Variants in AKNAD1 observed in about 807,000 individuals in gnomAD.
AKNAD1 encodes the protein AKNA domain containing 1, also known as protein AKNAD1.
A neutral mutation model predicts 90.8 loss-of-function variants in AKNAD1; 67 were observed. The observed-to-expected ratio is 0.74, with a 90% CI of 0.61 to 0.90. The LOEUF is 0.90. Ranked by LOEUF, AKNAD1 falls within the 40% of genes least tolerant of loss-of-function variation. The pLI is 0.00. For synonymous variants in AKNAD1, 327 were observed against 341.4 expected, an observed-to-expected ratio of 0.96 and a Z score of 0.46; for missense variants, 957 against 975.4, an observed-to-expected ratio of 0.98 and a Z score of 0.25.
chr1:108,858,222 T>C (rs572935831), upstream of AKNAD1: 6 of 152,646 alleles, frequency 3.9e-5, no homozygotes, highest in Non-Finnish European at 8.8e-5. Context: ...GCGTGCCTGC[T>C]TCTTCTGGGT....
Position 108,852,732 on chromosome 1 carries a change from T to A in AKNAD1, c.-68A>T. On this transcript the variant is annotated 5_prime_UTR_variant, in exon 2 of 16. Coordinates refer to ENST00000370001, the MANE Select transcript of AKNAD1 (RefSeq NM_152763.5). ...GGCTGCTGTCAGTTGTAACAATAGCTCTGGTTCTCACTGACTGTCTTCACT... is the reference window on the plus strand; with the variant it reads ...GGCTGCTGTCAGTTGTAACAATAGCACTGGTTCTCACTGACTGTCTTCACT... The A allele has an allele frequency of 6.9e-7, 1 of 1,453,488 alleles. No homozygotes were observed. The highest frequency in any genetic ancestry group is 9.2e-7 in the Non-Finnish European group (1 of 1,086,840). The allele number at this position is 1,453,488 out of a possible 1,614,324, so 90.0% of individuals were successfully genotyped here.
At chr1:108,846,528 A>G (rs1664706774) in intron 5 of AKNAD1, among the ~76,000 whole-genome samples, 2 of 152,116 alleles carry the variant, frequency 1.3e-5, no homozygotes, top group Non-Finnish European at 2.9e-5. Context: ...AAAGACCCTT[A>G]TAACATCTTG....
chr1:108,820,496 A>G (rs1557823807), intron 14 of AKNAD1, 49 bp downstream of exon 14: 1 of 1,278,192 alleles, frequency 7.8e-7, no homozygotes. Context: ...CACTGTATCC[A>G]CCCAACCAAT....
In AKNAD1 at chr1:108,830,585, A is replaced by G. The variant is rs139022413; in HGVS notation, c.1812T>C (p.Cys604=). The G allele has an allele frequency of 5.6e-6, 9 of 1,614,124 alleles. No individual in the cohort carries two copies. Among genetic ancestry groups the G allele is most frequent in the Non-Finnish European group, 7.6e-6 (9 of 1,180,030 alleles). ...ATTCAAGGAGCCTGCGACAGAAGGC[A>G]CAGCTCGGACTGGGTGCCGTCATCT... is the stretch of plus-strand genomic sequence containing the variant. ...CAEMTAPSPS[C]AFCRRLLEWK... The change falls in exon 10 of 16, where the codon TGT becomes TGC. Residue 604 remains cysteine (C), a synonymous_variant. Transcript: ENST00000370001.
chr1:108,847,108 G>T (rs1045386298), intron 5 of AKNAD1, among the ~76,000 whole-genome samples: 1 of 151,968 alleles, frequency 6.6e-6, no homozygotes, highest in East Asian at 1.9e-4. Context: ...CAATCTCTGT[G>T]CCTTCAGCCT....
At chr1:108,843,060 C>T in intron 6 of AKNAD1, 74 bp downstream of exon 6, 1 of 1,556,882 alleles carries the variant, frequency 6.4e-7, no homozygotes, top group Non-Finnish European at 8.7e-7. Context: ...ACTAAGCCAG[C>T]AGCCACATCA....
upstream of AKNAD1, chr1:108,858,118 C>A (rs1665099046): frequency 6.6e-6 from 1 of 152,654 alleles, no homozygotes; most frequent in Admixed American, 6.5e-5. Context: ...GCGACACAGA[C>A]AAGCAACCCT....
chr1:108,850,576 C>T (rs1312974839), intron 2 of AKNAD1, among the ~76,000 whole-genome samples: 2 of 152,102 alleles, frequency 1.3e-5, no homozygotes, highest in East Asian at 3.9e-4. Flanking sequence ...TCTGCTCAAA[C>T]TCCCCAGGCA....
At chr1:108,841,989 GA>G (rs1289584753) in intron 6 of AKNAD1, among the ~76,000 whole-genome samples, 1 of 152,120 alleles carries the variant, frequency 6.6e-6, no homozygotes, top group African/African-American at 2.4e-5. Context: ...AATGTGCACA[GA>G]AACCTGTCTT....
intron 6 of AKNAD1, among the ~76,000 whole-genome samples, chr1:108,838,319 GCCC>G (rs61007277): frequency 2.7e-5 from 4 of 148,004 alleles, no homozygotes; most frequent in African/African-American, 5.2e-5. Flanking sequence ...CAAAAAGATA[GCCC>G]CCCCCCCAAA....
intron 14 of AKNAD1, 58 bp from the exon 15 acceptor site, chr1:108,817,235 G>A: frequency 6.2e-7 from 1 of 1,601,836 alleles, no homozygotes; most frequent in Non-Finnish European, 8.5e-7. Context: ...GCACACTCCT[G>A]TTCACGTCAG....
At chr1:108,833,511 A>G (rs972171418) in intron 9 of AKNAD1, among the ~76,000 whole-genome samples, 66 of 152,220 alleles carry the variant, frequency 4.3e-4, no homozygotes, top group African/African-American at 1.5e-3. Context: ...TGAACCCAGG[A>G]GGCAGAGGTT....
At chr1:108,850,362 C>T (rs1393194569) in intron 2 of AKNAD1, among the ~76,000 whole-genome samples, 1 of 152,144 alleles carries the variant, frequency 6.6e-6, no homozygotes, top group African/African-American at 2.4e-5. Flanking sequence ...AACCCCCATA[C>T]CAGAGGGAGA....
chr1:108,823,288 A>C, intron 13 of AKNAD1, 82 bp downstream of exon 13: 1 of 1,082,372 alleles, frequency 9.2e-7, no homozygotes, highest in Non-Finnish European at 1.4e-6. Flanking sequence ...AGATGGAAGC[A>C]GTGGCCAGTG....
At chr1:108,816,650 G>C (rs1311237145) in intron 15 of AKNAD1, among the ~76,000 whole-genome samples, 1 of 152,194 alleles carries the variant, frequency 6.6e-6, no homozygotes, top group Non-Finnish European at 1.5e-5. Flanking sequence ...CACTGAGAGG[G>C]TATTCAGGGA....
intron 5 of AKNAD1, among the ~76,000 whole-genome samples, chr1:108,847,766 T>A (rs1264093057): frequency 3.3e-5 from 5 of 152,194 alleles, no homozygotes; most frequent in Admixed American, 2.6e-4. Context: ...CTTCCAAATG[T>A]CCCCTCACTG....
In AKNAD1 at chr1:108,816,031, G is replaced by T; in HGVS notation, c.*140C>A. 1 of 826,708 alleles carries T rather than the reference G, an allele frequency of 1.2e-6. No homozygotes were observed. The highest frequency in any genetic ancestry group is 3.3e-5 in the South Asian group (1 of 30,394). 51.2% of individuals were successfully genotyped at this position (826,708 alleles called of 1,614,324 possible). A position where few individuals can be genotyped will look rare whatever the true frequency, so the allele number is the denominator to read the frequency against. On this transcript the variant is annotated 3_prime_UTR_variant, in exon 16 of 16. Coordinates refer to ENST00000370001, the MANE Select transcript of AKNAD1 (RefSeq NM_152763.5). Reference sequence around the variant, plus strand: ...TTTCTTTTTCCTTTAAGTACTTTGTGTTACCCATTTCTTATGGTTTCTGTG... The same window carrying T: ...TTTCTTTTTCCTTTAAGTACTTTGTTTTACCCATTTCTTATGGTTTCTGTG...
At position 108,817,186 on chromosome 1, in the gene AKNAD1, C is replaced by CA; in HGVS notation, c.2250-10dup. On this transcript the variant is annotated splice_polypyrimidine_tract_variant and intron_variant, in intron 14 of 15. Transcript: ENST00000370001. The stretch of plus-strand genomic sequence containing the variant: ...AAGCCTGAAGTTTTTTTCTGGAAGA[C>CA]AAAAGCACATTGATACTTGTGTCAA... The CA allele has an allele frequency of 6.2e-7, 1 of 1,613,760 alleles. No homozygotes were observed. The highest frequency in any genetic ancestry group is 8.5e-7 in the Non-Finnish European group (1 of 1,179,858).
At chr1:108,817,011 G>A (rs368045651) in intron 15 of AKNAD1, 37 bp downstream of exon 15, 1 of 1,610,056 alleles carries the variant, frequency 6.2e-7, no homozygotes, top group Non-Finnish European at 8.5e-7. Context: ...AAACTTACGA[G>A]CTGCAATGCT....
Sources: gnomAD v4.1 joint callset for allele counts (sites outside exome capture counted in the v4.1 genomes callset) on GRCh38, gnomAD v4.1.1 for gene constraint, MANE v1.5 for transcripts, NCBI Gene and HGNC (gene_info 2026-07-23, HGNC 2026-07-21) for gene names.